The following MCM9 variants were observed in gnomAD, a reference collection of about 807,000 sequenced individuals.
MCM9 encodes the protein DNA helicase MCM9.
MCM9 carries 55 observed loss-of-function variants against 72.8 expected under a neutral mutation model. The ratio of observed to expected loss-of-function variants is 0.76; its 90% confidence interval spans 0.61 to 0.95. MCM9 has a LOEUF of 0.95. MCM9 is among the 40% of genes least tolerant of loss of function. The pLI is 0.00. For synonymous variants in MCM9, 480 were observed against 503.4 expected (o/e 0.95, Z 0.62); for missense variants, 1,279 against 1,377.0 (o/e 0.93, Z 1.13).
In MCM9 at chr6:118,931,496, T is replaced by C. The variant is rs911392686; in HGVS notation, c.228A>G (p.Ser76=). ...LTIFDSALRR[S]ALTILQSLSQ... is the part of the protein sequence containing the mutation. The stretch of plus-strand genomic sequence containing the variant: ...AAAGGGACTGGAGAATTGTCAAGGC[T>C]GACCTTCGCAGTGCACTATCAAAAA... The change falls in exon 3 of 14, where the codon TCA becomes TCG. Residue 76 remains serine, a synonymous_variant. Transcript: ENST00000619706. The C allele has an allele frequency of 1.3e-5, 21 of 1,614,078 alleles. No homozygotes were observed. The highest frequency in any genetic ancestry group is 1.7e-5 in the Non-Finnish European group (20 of 1,180,038).
At chr6:118,866,393 G>A (rs1183624280) in intron 8 of MCM9, among the ~76,000 whole-genome samples, 1 of 152,192 alleles carries the variant, frequency 6.6e-6, no homozygotes, top group Non-Finnish European at 1.5e-5. Flanking sequence ...GGAGATATGT[G>A]ATGTACCTGA....
chr6:118,906,650 G>A (rs558830041), intron 8 of MCM9, among the ~76,000 whole-genome samples: 18 of 152,182 alleles, frequency 1.2e-4, no homozygotes, highest in African/African-American at 4.3e-4. Flanking sequence ...AATATTTCTG[G>A]TACTGAAAAC....
At chr6:118,933,964 C>CAAAAAAAAG (rs1782674760) in intron 1 of MCM9, among the ~76,000 whole-genome samples, 1 of 100,304 alleles carries the variant, frequency 1.0e-5, no homozygotes, top group Non-Finnish European at 2.0e-5. Context: ...GGACTTTGCC[C>CAAAAAAAAG]AAAAAAAAAA....
intron 8 of MCM9, chr6:118,905,822 T>C: frequency 6.3e-7 from 1 of 1,598,310 alleles, no homozygotes; most frequent in Non-Finnish European, 8.5e-7. Context: ...AACCAGACTT[T>C]TCTAAGGTAA....
chr6:118,896,975 C>T (rs768114615), intron 8 of MCM9, among the ~76,000 whole-genome samples: 27 of 152,056 alleles, frequency 1.8e-4, no homozygotes, highest in African/African-American at 6.3e-4. Context: ...ATAGCTGGGA[C>T]CATAGTCGAT....
At chr6:118,860,537 T>C (rs1404420374) in intron 8 of MCM9, among the ~76,000 whole-genome samples, 2 of 151,944 alleles carry the variant, frequency 1.3e-5, no homozygotes, top group Admixed American at 1.3e-4. Flanking sequence ...ACAGAGGCAA[T>C]AGGTGAAGCA....
chr6:118,880,961 A>G (rs1778248425), intron 8 of MCM9, among the ~76,000 whole-genome samples: 1 of 152,240 alleles, frequency 6.6e-6, no homozygotes, highest in Non-Finnish European at 1.5e-5. Context: ...TTTCCTACAC[A>G]TACAAACCTA....
At chr6:118,841,230 ATATTT>A (rs1775342625) in intron 9 of MCM9, among the ~76,000 whole-genome samples, 1 of 152,230 alleles carries the variant, frequency 6.6e-6, no homozygotes, top group Non-Finnish European at 1.5e-5. Flanking sequence ...GTTTGAACTT[ATATTT>A]TTCACATCCT....
chr6:118,913,006 A>C (rs1366609902), intron 7 of MCM9: 1 of 268,768 alleles, frequency 3.7e-6, no homozygotes, highest in Non-Finnish European at 7.0e-6. Context: ...GGGATCCAAC[A>C]AAAAACACAG....
At chr6:118,922,415 A>G (rs1475094549) in intron 4 of MCM9, among the ~76,000 whole-genome samples, 1 of 152,234 alleles carries the variant, frequency 6.6e-6, no homozygotes, top group Non-Finnish European at 1.5e-5. Flanking sequence ...CCTGATCGCT[A>G]ATCAAAAGAC....
intron 13 of MCM9, among the ~76,000 whole-genome samples, chr6:118,820,985 C>T (rs146203126): frequency 0.98 from 148,444 of 152,144 alleles, 72,542 homozygotes; most frequent in East Asian, 1. Flanking sequence ...GGTAAATATT[C>T]CTCCATTCCT....
In MCM9 at chr6:118,813,743, G is replaced by A. The variant is rs1773247478; in HGVS notation, c.*1081C>T. The A allele has an allele frequency of 6.6e-6, 1 of 152,150 alleles. No individual in the cohort carries two copies. The allele number at this position is 152,150 out of a possible 1,614,324, so 9.4% of individuals were successfully genotyped here. Reference sequence around the variant, plus strand: ...AAAAGCACATAGAAAGACAAAGCTTGAGGTTATCTATTCTGACCAAAAACA... The same window carrying A: ...AAAAGCACATAGAAAGACAAAGCTTAAGGTTATCTATTCTGACCAAAAACA... On this transcript the variant is annotated 3_prime_UTR_variant, in exon 14 of 14. Transcript: ENST00000619706.
In MCM9 at chr6:118,840,742, CTT is replaced by C. The variant is rs36185833; in HGVS notation, c.1326-11494_1326-11493del. ...ACATATATTCTCTCCTCCCCCCCCC[CTT>C]TTTTTTTTTTTGAGACAGGGTCTTG... On this transcript the variant is annotated intron_variant, in intron 9 of 13. Coordinates refer to ENST00000619706, the MANE Select transcript of MCM9 (RefSeq NM_017696.3). Among the ~76,000 whole-genome samples, 99 of 77,746 alleles carry C rather than the reference CTT, an allele frequency of 1.3e-3. No homozygotes were observed. The South Asian group carries it at 0.013, about 10-fold the overall frequency. The allele number at this position is 77,746 out of a possible 152,430, so 51.0% of individuals were successfully genotyped here. A position where few individuals can be genotyped will look rare whatever the true frequency, so the allele number is the denominator to read the frequency against.
chr6:118,925,522 C>T (rs1781820579), intron 3 of MCM9, among the ~76,000 whole-genome samples: 1 of 152,152 alleles, frequency 6.6e-6, no homozygotes, highest in African/African-American at 2.4e-5. Flanking sequence ...CCTACTGTTA[C>T]AGGTTACAAG....
rs1225619989 is a variant in MCM9 at position 118,934,964 on chromosome 6, G to T, written c.-223C>A. 6.6e-6 allele frequency: 1 copy of T among 152,224 alleles called. No individual in the cohort carries two copies. The highest frequency in any genetic ancestry group is 1.5e-5 in the Non-Finnish European group (1 of 68,062). 9.4% of individuals were successfully genotyped at this position (152,224 alleles called of 1,614,324 possible). A position where few individuals can be genotyped will look rare whatever the true frequency, so the allele number is the denominator to read the frequency against. On this transcript the variant is annotated 5_prime_UTR_variant, in exon 1 of 14. Coordinates refer to ENST00000619706, the MANE Select transcript of MCM9 (RefSeq NM_017696.3). ...GCCCAGAGAGCTCCAGCCAGGCAGC[G>T]GGTTCGTCTCCGGCGCAAGAAGGCT...
At chr6:118,841,383 G>GCCCCC (rs994611395) in intron 9 of MCM9, among the ~76,000 whole-genome samples, 3 of 151,934 alleles carry the variant, frequency 2.0e-5, no homozygotes, top group Non-Finnish European at 4.4e-5. Flanking sequence ...CTCTCCTCTG[G>GCCCCC]CCCCCCCTTA....
chr6:118,891,568 C>A lies in MCM9; in HGVS notation c.1150+20082G>T, dbSNP rs1160112224. ...CTGTGTTTCCTCTGTGTGCGTGTGA[C>A]CCTTGTGCTTCTCTGTAAATCTAAA... On this transcript the variant is annotated intron_variant, in intron 8 of 13. Transcript: ENST00000619706. Among the ~76,000 whole-genome samples, 3 of 152,064 alleles carry A rather than the reference C, an allele frequency of 2.0e-5. No individual in the cohort carries two copies. In the East Asian group the frequency reaches 5.8e-4, roughly 29 times the overall value.
intron 8 of MCM9, among the ~76,000 whole-genome samples, chr6:118,898,519 G>C (rs939805217): frequency 1.3e-5 from 2 of 151,674 alleles, no homozygotes; most frequent in Non-Finnish European, 2.9e-5. Context: ...CCGCCTCCAG[G>C]GTTCAGGCGA....
At chr6:118,846,916 TC>T (rs1185474977) in intron 9 of MCM9, among the ~76,000 whole-genome samples, 1 of 151,512 alleles carries the variant, frequency 6.6e-6, no homozygotes, top group Non-Finnish European at 1.5e-5. Context: ...TAAAAATACT[TC>T]CGTTGATAAA....
Sources: gnomAD v4.1 joint callset for allele counts (sites outside exome capture counted in the v4.1 genomes callset) on GRCh38, gnomAD v4.1.1 for gene constraint, MANE v1.5 for transcripts, NCBI Gene and HGNC (gene_info 2026-07-23, HGNC 2026-07-21) for gene names.